The following LOC728743 variants were observed in gnomAD, a reference collection of about 807,000 sequenced individuals.
the LOC728743 span, among the ~76,000 whole-genome samples, chr7:150,401,624 T>A: frequency 6.6e-6 from 1 of 152,200 alleles, no homozygotes; most frequent in South Asian, 2.1e-4. Flanking sequence ...TCCCTTAAGT[T>A]ATCCCTTAGG....
chr7:150,408,520 T>C, the LOC728743 span: 1 of 251,106 alleles, frequency 4.0e-6, no homozygotes, highest in Non-Finnish European at 7.5e-6. Flanking sequence ...AGAGCCCCTC[T>C]CAGGGCTGGG....
the LOC728743 span, among the ~76,000 whole-genome samples, chr7:150,407,405 C>T: frequency 1.3e-5 from 2 of 152,146 alleles, no homozygotes; most frequent in African/African-American, 4.8e-5. Flanking sequence ...GCTTAAAAGG[C>T]AGTGGAGGAA....
At chr7:150,410,526 G>A in the LOC728743 span, 1 of 272,672 alleles carries the variant, frequency 3.7e-6, no homozygotes, top group African/African-American at 2.2e-5. Flanking sequence ...CTTGGCTAGA[G>A]TTCAGAGACA....
chr7:150,411,139 T>G, the LOC728743 span: 1 of 152,484 alleles, frequency 6.6e-6, no homozygotes, highest in Non-Finnish European at 1.5e-5. Flanking sequence ...GCTCCTGGCC[T>G]GGGCTCTGAT....
chr7:150,407,341 A>G, the LOC728743 span, among the ~76,000 whole-genome samples: 1 of 152,260 alleles, frequency 6.6e-6, no homozygotes, highest in Non-Finnish European at 1.5e-5. Context: ...AAGGTCAGGG[A>G]AGGCTTCTAG....
At chr7:150,410,338 G>T in the LOC728743 span, 19 of 395,518 alleles carry the variant, frequency 4.8e-5, no homozygotes, top group South Asian at 2.1e-3. Context: ...ACTGGTTGGA[G>T]CCTGGAATTG....
At chr7:150,407,898 T>C in the LOC728743 span, 1 of 418,742 alleles carries the variant, frequency 2.4e-6, no homozygotes. Flanking sequence ...GAGCGGCCCT[T>C]CCCCTGCCCC....
At chr7:150,409,146 G>A in the LOC728743 span, among the ~76,000 whole-genome samples, 1 of 149,892 alleles carries the variant, frequency 6.7e-6, no homozygotes, top group Non-Finnish European at 1.5e-5. Context: ...TTCAAGGGAG[G>A]GGGGGTCCTG....
chr7:150,402,480 T>C, the LOC728743 span, among the ~76,000 whole-genome samples: 1 of 152,234 alleles, frequency 6.6e-6, no homozygotes, highest in Non-Finnish European at 1.5e-5. Flanking sequence ...CTATTAGATG[T>C]AGCTTGCAGA....
chr7:150,409,602 T>C, the LOC728743 span, among the ~76,000 whole-genome samples: 5 of 152,238 alleles, frequency 3.3e-5, no homozygotes, highest in African/African-American at 1.2e-4. Flanking sequence ...CAGAACCTTT[T>C]AGCTTCACTG....
the LOC728743 span, chr7:150,410,821 C>T: frequency 6.6e-6 from 1 of 152,298 alleles, no homozygotes; most frequent in Non-Finnish European, 1.5e-5. Context: ...AGAACCTCAG[C>T]CCTGGGGACT....
At chr7:150,409,543 T>C in the LOC728743 span, among the ~76,000 whole-genome samples, 1 of 152,160 alleles carries the variant, frequency 6.6e-6, no homozygotes, top group Non-Finnish European at 1.5e-5. Flanking sequence ...AGTTGGTACT[T>C]AGGGGTACAA....
At chr7:150,406,773 C>T in the LOC728743 span, among the ~76,000 whole-genome samples, 741 of 152,260 alleles carry the variant, frequency 4.9e-3, 7 homozygotes, top group African/African-American at 0.017. Context: ...TGCTGCTCAG[C>T]CTTGGGCCAG....
the LOC728743 span, among the ~76,000 whole-genome samples, chr7:150,409,638 G>A: frequency 2.0e-5 from 3 of 152,206 alleles, no homozygotes; most frequent in African/African-American, 4.8e-5. Flanking sequence ...ATGGAGCAGG[G>A]AGGATTTGGG....
chr7:150,406,612 G>A, the LOC728743 span, among the ~76,000 whole-genome samples: 1 of 152,150 alleles, frequency 6.6e-6, no homozygotes, highest in East Asian at 1.9e-4. Context: ...TTTAAAGTGG[G>A]GCTCAATAAC....
At chr7:150,401,084 T>G in the LOC728743 span, 1 of 152,274 alleles carries the variant, frequency 6.6e-6, no homozygotes, top group African/African-American at 2.4e-5. Context: ...GCAGCCACGC[T>G]GCTTCGTACA....
the LOC728743 span, chr7:150,410,502 C>T: frequency 1.7e-4 from 51 of 308,156 alleles, no homozygotes; most frequent in African/African-American, 8.3e-4. Context: ...TCTCTGCTCC[C>T]GCCTGGTCCA....
At chr7:150,402,675 G>A in the LOC728743 span, among the ~76,000 whole-genome samples, 2 of 152,354 alleles carry the variant, frequency 1.3e-5, no homozygotes, top group African/African-American at 4.8e-5. Flanking sequence ...TCAGACTGCT[G>A]TCCAGTCCTG....
chr7:150,408,309 C>T, the LOC728743 span: 1 of 361,938 alleles, frequency 2.8e-6, no homozygotes, highest in Admixed American at 4.6e-5. Flanking sequence ...CCGCAGCTCC[C>T]TCTCTAGATG....
Sources: gnomAD v4.1 joint callset for allele counts (sites outside exome capture counted in the v4.1 genomes callset) on GRCh38, gnomAD v4.1.1 for gene constraint, MANE v1.5 for transcripts.